Variants in TRAK2 observed in about 807,000 individuals in gnomAD.
TRAK2 encodes trafficking kinesin-binding protein 2.
A neutral mutation model predicts 104.6 loss-of-function variants in TRAK2; 81 were observed. The observed-to-expected ratio is 0.77, with a 90% confidence interval of 0.65 to 0.93. The LOEUF (loss-of-function observed/expected upper bound fraction) is 0.93. Ranked by LOEUF, TRAK2 falls within the 40% of genes least tolerant of loss-of-function variation. The pLI, the probability that TRAK2 is intolerant of heterozygous loss-of-function variation, is 0.00. For synonymous variants in TRAK2, 406 were observed against 394.4 expected, an observed-to-expected ratio of 1.03 and a Z score of -0.35; for missense variants, 1,002 against 1,089.0, an observed-to-expected ratio of 0.92 and a Z score of 1.12.
chr2:201,447,040 T>C lies in TRAK2; in HGVS notation c.-200+4310A>G, dbSNP rs573356202. Among the ~76,000 whole-genome samples, 1 of 152,366 alleles carries C rather than the reference T, an allele frequency of 6.6e-6. No individual in the cohort carries two copies. Among genetic ancestry groups the C allele is most frequent in the South Asian group, 2.1e-4 (1 of 4,832 alleles). On this transcript the variant is annotated intron_variant, in intron 1 of 15. Coordinates refer to ENST00000332624, the MANE Select transcript of TRAK2 (RefSeq NM_015049.3). The surrounding 1 kb of genome is among the most constrained non-coding windows in gnomAD (Gnocchi z 4.1). ...AGACATTTCAATATTCTGGGAAAACTGTTAGTTCAGCATCCTGTGGCACTA... is the reference window on the plus strand; with the variant it reads ...AGACATTTCAATATTCTGGGAAAACCGTTAGTTCAGCATCCTGTGGCACTA...
Position 201,381,177 on chromosome 2 carries a change from C to T in TRAK2, c.2111G>A (p.Ser704Asn). The stretch of plus-strand genomic sequence containing the variant: ...AGAATTCACAGCCGTGTTGGATGAA[C>T]TGCTACCGCTACTTCCACAGGATAA... ...PSLSCGSSGSSSSNTAVNSPA... is the reference protein window; with the variant it reads ...PSLSCGSSGSNSSNTAVNSPA... Residue 704 changes from serine to asparagine, a missense_variant, in exon 16 of 16, where the codon AGT (serine) becomes AAT (asparagine). Transcript: ENST00000332624. 1 of 1,612,898 alleles carries T rather than the reference C, an allele frequency of 6.2e-7. No individual in the cohort carries two copies. The highest frequency in any genetic ancestry group is 1.1e-5 in the South Asian group (1 of 91,050).
chr2:201,389,651 ACT>A (rs1951426774), intron 11 of TRAK2, 148 bp from the exon 12 acceptor site: 3 of 1,064,742 alleles, frequency 2.8e-6, no homozygotes, highest in Non-Finnish European at 4.1e-6. Flanking sequence ...AAACAAGAGA[ACT>A]CTCTCACAAA....
chr2:201,390,740 A>G (rs1355289795), intron 10 of TRAK2, among the ~76,000 whole-genome samples: 2 of 151,928 alleles, frequency 1.3e-5, no homozygotes, highest in African/African-American at 4.8e-5. Flanking sequence ...ATTTAATGGT[A>G]TTTAACGATT....
chr2:201,395,116 A>G (rs1951489357), intron 8 of TRAK2, 198 bp downstream of exon 8: 1 of 632,462 alleles, frequency 1.6e-6, no homozygotes, highest in Non-Finnish European at 2.7e-6. Flanking sequence ...CCCATTTTAC[A>G]AAGAGAAATA....
chr2:201,399,895 G>A (rs1417419088), intron 4 of TRAK2, among the ~76,000 whole-genome samples: 2 of 152,040 alleles, frequency 1.3e-5, no homozygotes, highest in Non-Finnish European at 2.9e-5. Context: ...TGTGTATCAA[G>A]CATGGTAATG....
intron 1 of TRAK2, among the ~76,000 whole-genome samples, chr2:201,438,724 G>T (rs1213812408): frequency 6.6e-6 from 1 of 151,652 alleles, no homozygotes; most frequent in East Asian, 1.9e-4. Context: ...AGAAGAAGAA[G>T]AAAAAAAACA....
intron 1 of TRAK2, among the ~76,000 whole-genome samples, chr2:201,450,217 C>G (rs1559458431): frequency 6.6e-6 from 1 of 151,942 alleles, no homozygotes; most frequent in Non-Finnish European, 1.5e-5. Context: ...GAGATCGAGA[C>G]CATCCTGGCC....
Position 201,380,427 on chromosome 2 carries a change from A to G in TRAK2, c.*116T>C. 9.0e-7 allele frequency: 1 copy of G among 1,108,636 alleles called. No individual in the cohort carries two copies. The highest frequency in any genetic ancestry group is 2.7e-5 in the Admixed American group (1 of 37,170). The allele number at this position is 1,108,636 out of a possible 1,614,324, so 68.7% of individuals were successfully genotyped here. ...TCCATTCCTCCATTCCCCCTTTCAC[A>G]TTCACAACCCTTGTGCAACATTCCT... On this transcript the variant is annotated 3_prime_UTR_variant, in exon 16 of 16. Coordinates refer to ENST00000332624, the MANE Select transcript of TRAK2 (RefSeq NM_015049.3).
chr2:201,386,518 T>C (rs1951392751), intron 13 of TRAK2, 34 bp from the exon 14 acceptor site: 12 of 1,604,522 alleles, frequency 7.5e-6, no homozygotes, highest in Non-Finnish European at 1.0e-5. Context: ...GGGAAAGGCA[T>C]GTTTTACATT....
At chr2:201,401,501 A>T (rs1559443251) in intron 3 of TRAK2, among the ~76,000 whole-genome samples, 1 of 152,018 alleles carries the variant, frequency 6.6e-6, no homozygotes, top group Non-Finnish European at 1.5e-5. Flanking sequence ...ATGCTGTTAT[A>T]AAGGAATTTA....
intron 1 of TRAK2, among the ~76,000 whole-genome samples, chr2:201,422,369 G>T (rs930332290): frequency 3.3e-5 from 5 of 152,134 alleles, no homozygotes; most frequent in Admixed American, 2.6e-4. Flanking sequence ...ATCAGGAACT[G>T]TCATCAGTAA....
In TRAK2 at chr2:201,392,936, G is replaced by A; in HGVS notation, c.1086C>T (p.Phe362=). The A allele has an allele frequency of 1.9e-6, 3 of 1,612,952 alleles. No individual in the cohort carries two copies. Among genetic ancestry groups the A allele is most frequent in the Non-Finnish European group, 2.5e-6 (3 of 1,179,618 alleles). Residue 362 remains phenylalanine (F), a synonymous_variant, in exon 10 of 16, where the codon TTC becomes TTT. Transcript: ENST00000332624. ...CAGTAAAAGCTCCATATGATTGGGA[G>A]AAGTAGAGATGAGCAGTAGGGCCAG... ...SRSGPTAHLY[F]SQSYGAFTGE...
chr2:201,422,629 T>C (rs1428740332), intron 1 of TRAK2, among the ~76,000 whole-genome samples: 2 of 152,102 alleles, frequency 1.3e-5, no homozygotes, highest in Non-Finnish European at 2.9e-5. Context: ...GTTTCAGAGA[T>C]AGAATGTGAA....
At chr2:201,437,508 T>G (rs1293051056) in intron 1 of TRAK2, among the ~76,000 whole-genome samples, 2 of 152,226 alleles carry the variant, frequency 1.3e-5, no homozygotes, top group African/African-American at 4.8e-5. Context: ...TAAACTGAAC[T>G]CATTTTTCCT....
At chr2:201,392,803 A>G in intron 10 of TRAK2, 106 bp downstream of exon 10, 1 of 1,157,634 alleles carries the variant, frequency 8.6e-7, no homozygotes, top group East Asian at 2.6e-5. Context: ...CAAGGAAAAA[A>G]TCTCTTCTCC....
In TRAK2 at chr2:201,398,396, C is replaced by G. The variant is rs755975351; in HGVS notation, c.481-42G>C. ...CTTGATTTTCATGTTCTTTATTTTG[C>G]ATTATTTATAGCAATATAGCTTCTA... On this transcript the variant is annotated intron_variant, in intron 5 of 15. Transcript: ENST00000332624. 2.6e-6 allele frequency: 4 copies of G among 1,550,668 alleles called. No homozygotes were observed. In the African/African-American group the frequency reaches 5.4e-5, roughly 21 times the overall value.
At chr2:201,389,529 T>C in intron 11 of TRAK2, 26 bp from the exon 12 acceptor site, 1 of 1,603,626 alleles carries the variant, frequency 6.2e-7, no homozygotes, top group East Asian at 2.2e-5. Flanking sequence ...GTGTTCGTTA[T>C]TATCACTGCT....
intron 1 of TRAK2, among the ~76,000 whole-genome samples, chr2:201,425,711 T>C (rs367670685): frequency 1.7e-4 from 18 of 105,222 alleles, no homozygotes; most frequent in South Asian, 3.5e-4. Flanking sequence ...CCAGAAAGCA[T>C]TGCTTTTTTT....
chr2:201,442,877 GGA>G (rs952806311), intron 1 of TRAK2, among the ~76,000 whole-genome samples: 1 of 152,154 alleles, frequency 6.6e-6, no homozygotes, highest in African/African-American at 2.4e-5. Flanking sequence ...AAGACAGAAA[GGA>G]GAGAGAAACT....
Sources: allele counts gnomAD v4.1 joint callset (sites outside exome capture counted in the v4.1 genomes callset), GRCh38; gene constraint gnomAD v4.1.1; non-coding constraint Gnocchi (gnomAD v3.1); transcripts MANE v1.5; gene names NCBI Gene and HGNC (gene_info 2026-07-23, HGNC 2026-07-21).